Variants in RNF43 observed in about 807,000 individuals in gnomAD.
RNF43 encodes the protein E3 ubiquitin-protein ligase RNF43.
Under a neutral mutation model 78.4 loss-of-function variants are expected in RNF43, and 37 were observed. The ratio of observed to expected loss-of-function variants is 0.47; its 90% CI spans 0.36 to 0.62. RNF43 has a LOEUF of 0.62. RNF43 is among the 20% of genes least tolerant of loss of function. The pLI is 0.00. For synonymous variants in RNF43, 347 were observed against 395.0 expected (o/e 0.88, Z 1.44); for missense variants, 774 against 1,007.9 (o/e 0.77, Z 3.14).
intron 2 of RNF43, among the ~76,000 whole-genome samples, chr17:58,374,137 T>C (rs1314298170): frequency 6.6e-6 from 1 of 151,840 alleles, no homozygotes; most frequent in East Asian, 1.9e-4. Context: ...ACTGAGGCAC[T>C]AAAAGGTTAA....
intron 2 of RNF43, among the ~76,000 whole-genome samples, chr17:58,397,795 CTA>C (rs202145270): frequency 0.011 from 1,705 of 152,246 alleles, 16 homozygotes; most frequent in Middle Eastern, 0.034. Context: ...CCGCTTTAGG[CTA>C]TGTTATTCAT....
Position 58,354,167 on chromosome 17 carries a change from C to A in RNF43, c.*776G>T. The A allele has an allele frequency of 4.9e-6, 1 of 203,498 alleles. No homozygotes were observed. The highest frequency in any genetic ancestry group is 1.0e-5 in the Non-Finnish European group (1 of 99,040). The allele number at this position is 203,498 out of a possible 1,614,324, so 12.6% of individuals were successfully genotyped here. On this transcript the variant is annotated 3_prime_UTR_variant, in exon 10 of 10. Transcript: ENST00000407977. Reference sequence around the variant, plus strand: ...TAATTCTGCCTTTTCTACCTTCATTCCATCCTTCCTCTGCCCAGATAAAGT... The same window carrying A: ...TAATTCTGCCTTTTCTACCTTCATTACATCCTTCCTCTGCCCAGATAAAGT...
chr17:58,415,213 G>T, intron 2 of RNF43, 113 bp downstream of exon 2: 2 of 1,095,392 alleles, frequency 1.8e-6, no homozygotes, highest in South Asian at 1.5e-5. Context: ...CTCTTTCTAT[G>T]AAATAGAAAG....
Position 58,359,494 on chromosome 17 carries a change from C to T in RNF43, c.952+655G>A, listed in dbSNP as rs551394501. Among the ~76,000 whole-genome samples, 24 of 151,836 alleles carry T rather than the reference C, an allele frequency of 1.6e-4. No individual in the cohort carries two copies. The East Asian group carries it at 4.4e-3, about 28-fold the overall frequency. On this transcript the variant is annotated intron_variant, in intron 8 of 9. Transcript: ENST00000407977. ...TGGCGGGCGCCTATAGTCCCAGCTACTCCGGAGGCTGAGGCAGGAGAATGG... is the reference window on the plus strand; with the variant it reads ...TGGCGGGCGCCTATAGTCCCAGCTATTCCGGAGGCTGAGGCAGGAGAATGG...
At chr17:58,381,411 T>TG (rs931833230) in intron 2 of RNF43, among the ~76,000 whole-genome samples, 1 of 152,144 alleles carries the variant, frequency 6.6e-6, no homozygotes, top group African/African-American at 2.4e-5. Flanking sequence ...AGGCCTGCTT[T>TG]GGGGGGACTG....
intron 2 of RNF43, among the ~76,000 whole-genome samples, chr17:58,393,604 T>C (rs1973605597): frequency 6.6e-6 from 1 of 152,238 alleles, no homozygotes; most frequent in Non-Finnish European, 1.5e-5. Flanking sequence ...AGGAAGTCAG[T>C]GCCCCAATCC....
At chr17:58,366,810 TA>T (rs1972962571) in intron 3 of RNF43, among the ~76,000 whole-genome samples, 1 of 152,116 alleles carries the variant, frequency 6.6e-6, no homozygotes, top group South Asian at 2.1e-4. Flanking sequence ...TAGTTATTAT[TA>T]TATCAACTAT....
In RNF43 at chr17:58,415,864, G is replaced by T; in HGVS notation, c.-287C>A. On this transcript the variant is annotated 5_prime_UTR_variant, in exon 2 of 10. Coordinates refer to ENST00000407977, the MANE Select transcript of RNF43 (RefSeq NM_017763.6). ...GTAAAGATCTCACCACTTCTCTTTGGAATTTCCAACTTTGCTTGTGATTGA... is the reference window on the plus strand; with the variant it reads ...GTAAAGATCTCACCACTTCTCTTTGTAATTTCCAACTTTGCTTGTGATTGA... 2.2e-6 allele frequency: 1 copy of T among 459,938 alleles called. No individual in the cohort carries two copies. 28.5% of individuals were successfully genotyped at this position (459,938 alleles called of 1,614,324 possible).
In RNF43 at chr17:58,355,000, G is replaced by C; in HGVS notation, c.2309-14C>G. Reference sequence around the variant, plus strand: ...CCTCCTCTGAGCCTGTATTTAGAGAGCGGGGAGGAAAGAGGTCATTGAGGG... The same window carrying C: ...CCTCCTCTGAGCCTGTATTTAGAGACCGGGGAGGAAAGAGGTCATTGAGGG... On this transcript the variant is annotated splice_polypyrimidine_tract_variant and intron_variant, in intron 9 of 9. Coordinates refer to ENST00000407977, the MANE Select transcript of RNF43 (RefSeq NM_017763.6). 6.2e-7 allele frequency: 1 copy of C among 1,613,378 alleles called. No homozygotes were observed. The highest frequency in any genetic ancestry group is 8.5e-7 in the Non-Finnish European group (1 of 1,179,468).
rs2143388653 is a variant in RNF43 at position 58,357,633 on chromosome 17, G to C, written c.2143C>G (p.Pro715Ala). 1 of 1,614,066 alleles carries C rather than the reference G, an allele frequency of 6.2e-7. No individual in the cohort carries two copies. The highest frequency in any genetic ancestry group is 2.2e-5 in the East Asian group (1 of 44,884). ...TGTGAATTTGAGTAACAGGGGCCTG[G>C]GGTTTCTGGTAGCAGCCTCTTGTCC... Reference protein sequence around the residue: ...GLDKRLLPETPGPCYSNSQPV... With the variant: ...GLDKRLLPETAGPCYSNSQPV... Residue 715 changes from proline (P) to alanine (A), a missense_variant, in exon 9 of 10, where the codon CCA becomes GCA. Pro to Ala is a conservative substitution (Grantham distance 27, BLOSUM62 -1). Transcript: ENST00000407977. This position sits in a 1 kb window ranked among gnomAD's most constrained non-coding sequence, Gnocchi z 4.5.
chr17:58,407,466 A>C (rs1284421627), intron 2 of RNF43, among the ~76,000 whole-genome samples: 1 of 152,232 alleles, frequency 6.6e-6, no homozygotes, highest in Non-Finnish European at 1.5e-5. Flanking sequence ...ATTTTAAAAA[A>C]ACCTTAGTTT....
intron 2 of RNF43, among the ~76,000 whole-genome samples, chr17:58,386,845 G>A (rs896117712): frequency 4.6e-5 from 7 of 151,796 alleles, no homozygotes; most frequent in African/African-American, 1.5e-4. Context: ...CAGAGATGGG[G>A]TCTTGCTATG....
In RNF43 at chr17:58,358,458, G is replaced by A. The variant is rs150996748; in HGVS notation, c.1318C>T (p.Pro440Ser). 5.0e-6 allele frequency: 8 copies of A among 1,613,830 alleles called. No homozygotes were observed. The African/African-American group carries it at 1.1e-4, about 22-fold the overall frequency. The change falls in exon 9 of 10, where the codon CCC (proline) becomes TCC (serine). Residue 440 changes from proline to serine, a missense_variant. Physicochemically the swap from Pro to Ser is moderately conservative, Grantham distance 74. Coordinates refer to ENST00000407977, the MANE Select transcript of RNF43 (RefSeq NM_017763.6). This position sits in a 1 kb window ranked among gnomAD's most constrained non-coding sequence, Gnocchi z 6.2. Reference sequence around the variant, plus strand: ...TCTCCAGATCCACTGCTGTCAGGGGGCCTGGCCCGGCGTAGGGGCACTGGG... The same window carrying A: ...TCTCCAGATCCACTGCTGTCAGGGGACCTGGCCCGGCGTAGGGGCACTGGG... The part of the protein sequence containing the change: ...ACPVPLRRAR[P>S]PDSSGSGESY...
In RNF43 at chr17:58,360,694, C is replaced by G; in HGVS notation, c.849+89G>C. 1 of 1,371,052 alleles carries G rather than the reference C, an allele frequency of 7.3e-7. No homozygotes were observed. Among genetic ancestry groups the G allele is most frequent in the Non-Finnish European group, 9.9e-7 (1 of 1,006,676 alleles). The allele number at this position is 1,371,052 out of a possible 1,614,324, so 84.9% of individuals were successfully genotyped here. A position where few individuals can be genotyped will look rare whatever the true frequency, so the allele number is the denominator to read the frequency against. ...ATGGGAAACAGATGTAGCCAGGGTA[C>G]CCATACCAGCCCCTAGGCCTGCCCA... On this transcript the variant is annotated intron_variant, in intron 7 of 9. Coordinates refer to ENST00000407977, the MANE Select transcript of RNF43 (RefSeq NM_017763.6). The surrounding 1 kb of genome is among the most constrained non-coding windows in gnomAD (Gnocchi z 4.3).
At chr17:58,391,835 C>T (rs1188202395) in intron 2 of RNF43, among the ~76,000 whole-genome samples, 3 of 152,174 alleles carry the variant, frequency 2.0e-5, no homozygotes, top group Admixed American at 6.5e-5. Flanking sequence ...AGAGGATCAG[C>T]ATGAATTAGG....
chr17:58,360,660 G>A lies in RNF43; in HGVS notation c.849+123C>T. 9.4e-7 allele frequency: 1 copy of A among 1,069,232 alleles called. No individual in the cohort carries two copies. The highest frequency in any genetic ancestry group is 1.3e-6 in the Non-Finnish European group (1 of 754,670). 66.2% of individuals were successfully genotyped at this position (1,069,232 alleles called of 1,614,324 possible). A position where few individuals can be genotyped will look rare whatever the true frequency, so the allele number is the denominator to read the frequency against. Reference sequence around the variant, plus strand: ...GGCTGGTCCCTGATCTCTGCCTCATGCAGGACACATGGGAAACAGATGTAG... The same window carrying A: ...GGCTGGTCCCTGATCTCTGCCTCATACAGGACACATGGGAAACAGATGTAG... On this transcript the variant is annotated intron_variant, in intron 7 of 9. Transcript: ENST00000407977. The surrounding 1 kb of genome is among the most constrained non-coding windows in gnomAD (Gnocchi z 4.3).
At chr17:58,414,309 A>G (rs1377686093) in intron 2 of RNF43, among the ~76,000 whole-genome samples, 1 of 152,210 alleles carries the variant, frequency 6.6e-6, no homozygotes, top group Non-Finnish European at 1.5e-5. Context: ...CATACAATAA[A>G]TTGGTTCTGT....
In RNF43 at chr17:58,362,180, G is replaced by A. The variant is rs112155561; in HGVS notation, c.687+364C>T. Among the ~76,000 whole-genome samples the A allele has an allele frequency of 1.9e-3, 293 of 151,268 alleles. 1 individual carries two copies. Among genetic ancestry groups the A allele is most frequent in the African/African-American group, 6.9e-3 (286 of 41,254 alleles). On this transcript the variant is annotated intron_variant, in intron 6 of 9. Transcript: ENST00000407977. Reference sequence around the variant, plus strand: ...CTATCAGCATTATCATTTTTTCTCCGTAGTACATATCACCATCTAAAACAT... The same window carrying A: ...CTATCAGCATTATCATTTTTTCTCCATAGTACATATCACCATCTAAAACAT...
intron 2 of RNF43, among the ~76,000 whole-genome samples, chr17:58,407,374 C>A (rs1161468468): frequency 6.6e-6 from 1 of 152,156 alleles, no homozygotes; most frequent in Admixed American, 6.5e-5. Context: ...GCCACCACAC[C>A]CAGCCTAGAG....
Sources: gnomAD v4.1 joint callset for allele counts (sites outside exome capture counted in the v4.1 genomes callset) on GRCh38, gnomAD v4.1.1 for gene constraint, Gnocchi (gnomAD v3.1) non-coding constraint, MANE v1.5 for transcripts, NCBI Gene and HGNC (gene_info 2026-07-23, HGNC 2026-07-21) for gene names.